The following CAPN8 variants were observed in gnomAD, a reference collection of about 807,000 sequenced individuals.
The protein encoded by CAPN8 is calpain 8, also known as calpain-8.
In CAPN8, 87 loss-of-function variants were observed where a neutral mutation model predicts 80.9. The observed-to-expected ratio is 1.07, with a 90% CI of 0.90 to 1.28. The LOEUF is 1.28. CAPN8 is among the 50% of genes most tolerant of loss of function. CAPN8 has a pLI of 0.00. For missense variants in CAPN8, 757 were observed against 702.0 expected (o/e 1.08, Z -0.89); for synonymous variants, 299 against 273.8 (o/e 1.09, Z -0.91).
chr1:223,625,667 C>T, intron 6 of CAPN8, 138 bp downstream of exon 6: 1 of 659,992 alleles, frequency 1.5e-6, no homozygotes, highest in Admixed American at 2.2e-5. Context: ...AGGCAGAGTG[C>T]ATCCCAATAT....
chr1:223,631,742 A>G (rs1179005246), intron 2 of CAPN8, among the ~76,000 whole-genome samples: 1 of 152,204 alleles, frequency 6.6e-6, no homozygotes, highest in Non-Finnish European at 1.5e-5. Flanking sequence ...ATCTGCATCA[A>G]ACCTGACAGA....
intron 9 of CAPN8, chr1:223,618,066 C>T: frequency 1.5e-6 from 1 of 649,264 alleles, no homozygotes; most frequent in East Asian, 2.8e-5. Context: ...GCAGTGAGCT[C>T]TGTCATGAGA....
intron 13 of CAPN8, among the ~76,000 whole-genome samples, chr1:223,554,851 A>G (rs1656869668): frequency 6.6e-6 from 1 of 152,250 alleles, no homozygotes; most frequent in South Asian, 2.1e-4. Context: ...AGTCCTTTGG[A>G]AATTACAAAC....
At chr1:223,555,092 T>C (rs1389359985) in intron 13 of CAPN8, among the ~76,000 whole-genome samples, 1 of 152,254 alleles carries the variant, frequency 6.6e-6, no homozygotes, top group Non-Finnish European at 1.5e-5. Flanking sequence ...ACCACTGTAG[T>C]AATAATACTT....
At chr1:223,554,223 C>T (rs1444310212) in intron 13 of CAPN8, among the ~76,000 whole-genome samples, 3 of 152,164 alleles carry the variant, frequency 2.0e-5, no homozygotes, top group Non-Finnish European at 4.4e-5. Flanking sequence ...GACACTGACA[C>T]CAGAAAATCT....
chr1:223,628,113 C>T lies in CAPN8; in HGVS notation c.456G>A (p.Val152=). 6.4e-7 allele frequency: 1 copy of T among 1,550,508 alleles called. No homozygotes were observed. Among genetic ancestry groups the T allele is most frequent in the Admixed American group, 2.0e-5 (1 of 50,790 alleles). The change falls in exon 4 of 21, where the codon GTG becomes GTA. Residue 152 remains valine, a synonymous_variant. Transcript: ENST00000366872. ...QFWQYGEWVE[V]VIDDRLPTKN... ...TGGTGGGCAGCCTGTCGTCAATGAC[C>T]ACCTCCACCCACTCTCCGTACTGCC...
intron 14 of CAPN8, 57 bp from the exon 15 acceptor site, chr1:223,551,074 C>A: frequency 1.4e-6 from 1 of 710,828 alleles, no homozygotes; most frequent in South Asian, 1.5e-5. Context: ...TGTTTCAAGA[C>A]AGTAAATTAA....
At chr1:223,548,576 C>A (rs1656695385) in intron 16 of CAPN8, among the ~76,000 whole-genome samples, 1 of 152,174 alleles carries the variant, frequency 6.6e-6, no homozygotes, top group Non-Finnish European at 1.5e-5. Context: ...ACTCCCTCAC[C>A]CCATCTACCA....
intron 2 of CAPN8, among the ~76,000 whole-genome samples, chr1:223,637,042 A>G (rs1184435780): frequency 6.6e-6 from 1 of 152,142 alleles, no homozygotes; most frequent in African/African-American, 2.4e-5. Flanking sequence ...GTAGAGCCTC[A>G]TCTCCCCGAC....
At chr1:223,620,061 GAGA>G (rs1263884373) in intron 8 of CAPN8, 128 bp downstream of exon 8, 1 of 766,530 alleles carries the variant, frequency 1.3e-6, no homozygotes, top group Non-Finnish European at 2.2e-6. Flanking sequence ...AGGACAAAAG[GAGA>G]AGAATGAATT....
chr1:223,631,394 C>T (rs1403791620), intron 2 of CAPN8, among the ~76,000 whole-genome samples: 1 of 152,098 alleles, frequency 6.6e-6, no homozygotes, highest in African/African-American at 2.4e-5. Flanking sequence ...CTTTCCTTAC[C>T]CCTATCCCTG....
Position 223,543,306 on chromosome 1 carries a change from C to T in CAPN8, c.2030-140G>A. ...CCACCCCCTCCCCTCCAGCCCCCAC[C>T]TAGGCCCAGGGGCCTCAAAAAGCTA... On this transcript the variant is annotated intron_variant, in intron 19 of 20. Coordinates refer to ENST00000366872, the MANE Select transcript of CAPN8 (RefSeq NM_001143962.2). 5 of 1,013,942 alleles carry T rather than the reference C, an allele frequency of 4.9e-6. No individual in the cohort carries two copies. In the South Asian group the frequency reaches 8.4e-5, roughly 17 times the overall value. 62.8% of individuals were successfully genotyped at this position (1,013,942 alleles called of 1,614,324 possible). A position where few individuals can be genotyped will look rare whatever the true frequency, so the allele number is the denominator to read the frequency against.
At chr1:223,621,694 G>A (rs1657397353) in intron 7 of CAPN8, among the ~76,000 whole-genome samples, 1 of 152,092 alleles carries the variant, frequency 6.6e-6, no homozygotes, top group Admixed American at 6.5e-5. Flanking sequence ...GCGTGGTCAT[G>A]ACATGAGCAG....
chr1:223,620,967 T>TAAAA (rs66669646), intron 7 of CAPN8, among the ~76,000 whole-genome samples: 10,508 of 147,040 alleles, frequency 0.071, 417 homozygotes, highest in African/African-American at 0.1. Flanking sequence ...GATCCATCTT[T>TAAAA]AAAAAAAAAA....
intron 10 of CAPN8, among the ~76,000 whole-genome samples, chr1:223,614,396 T>A (rs1165427433): frequency 7.5e-6 from 1 of 132,548 alleles, no homozygotes; most frequent in Non-Finnish European, 1.6e-5. Context: ...TGAGAGTCCG[T>A]CTCAAAAAAA....
At chr1:223,647,497 T>G (rs1242455805) in intron 2 of CAPN8, among the ~76,000 whole-genome samples, 1 of 152,184 alleles carries the variant, frequency 6.6e-6, no homozygotes, top group Non-Finnish European at 1.5e-5. Context: ...ACCACTTGCC[T>G]TATTGCCTAC....
intron 1 of CAPN8, among the ~76,000 whole-genome samples, chr1:223,656,975 C>T (rs1461640241): frequency 2.0e-5 from 3 of 152,094 alleles, no homozygotes; most frequent in South Asian, 2.1e-4. Context: ...TGAGCCACCG[C>T]GCCCAGCCAC....
At chr1:223,549,204 C>G (rs1656714829) in intron 16 of CAPN8, 114 bp downstream of exon 16, 2,860 of 1,188,024 alleles carry the variant, frequency 2.4e-3, no homozygotes, top group Non-Finnish European at 3.1e-3. Context: ...CATGCCTGCT[C>G]TCTCCCCTTC....
At chr1:223,617,105 G>A (rs540281016) in intron 9 of CAPN8, 95 of 152,160 alleles carry the variant, frequency 6.2e-4, no homozygotes, top group African/African-American at 2.2e-3. Flanking sequence ...TGCCCGGGAG[G>A]AAAAAAGAAG....
Sources: gnomAD v4.1 joint callset for allele counts (sites outside exome capture counted in the v4.1 genomes callset) on GRCh38, gnomAD v4.1.1 for gene constraint, MANE v1.5 for transcripts, NCBI Gene and HGNC (gene_info 2026-07-23, HGNC 2026-07-21) for gene names.